MCC: variants seen among roughly 807,000 people sequenced by gnomAD.
MCC encodes colorectal mutant cancer protein.
Under a neutral mutation model 116.2 loss-of-function variants are expected in MCC, and 90 were observed. The ratio of observed to expected loss-of-function variants is 0.77; its 90% CI spans 0.65 to 0.92. The LOEUF (loss-of-function observed/expected upper bound fraction) is 0.92, where lower values mean the gene tolerates loss of function less well. MCC is among the 40% of genes least tolerant of loss of function. The pLI is 0.00. For synonymous variants in MCC, 578 were observed against 510.5 expected, an observed-to-expected ratio of 1.13 and a Z score of -1.78; for missense variants, 1,516 against 1,312.2, an observed-to-expected ratio of 1.16 and a Z score of -2.40.
chr5:113,175,199 C>G (rs575558231), intron 3 of MCC, among the ~76,000 whole-genome samples: 1 of 152,084 alleles, frequency 6.6e-6, no homozygotes, highest in South Asian at 2.1e-4. Context: ...ATAGACATGT[C>G]AATAAATTTT....
chr5:113,028,851 C>T, intron 18 of MCC, 83 bp downstream of exon 18: 1 of 1,483,490 alleles, frequency 6.7e-7, no homozygotes, highest in Non-Finnish European at 9.2e-7. Context: ...ATGTCCATCC[C>T]TGGTGCTGTG....
At chr5:113,226,645 C>T (rs1763753220) in intron 3 of MCC, among the ~76,000 whole-genome samples, 4 of 152,304 alleles carry the variant, frequency 2.6e-5, no homozygotes, top group Middle Eastern at 6.8e-3. Context: ...TTTCCATATG[C>T]TTTTCAGGAG....
chr5:113,424,031 A>C (rs1770416157), intron 1 of MCC, among the ~76,000 whole-genome samples: 1 of 152,060 alleles, frequency 6.6e-6, no homozygotes, highest in Non-Finnish European at 1.5e-5. Flanking sequence ...GGCCAAAAGA[A>C]AATATCTGTG....
Position 113,067,982 on chromosome 5 carries a change from G to A in MCC, c.2029+98C>T, listed in dbSNP as rs1204799196. The A allele has an allele frequency of 5.8e-6, 6 of 1,038,492 alleles. No homozygotes were observed. The South Asian group carries it at 7.9e-5, about 14-fold the overall frequency. The allele number at this position is 1,038,492 out of a possible 1,614,324, so 64.3% of individuals were successfully genotyped here. A position where few individuals can be genotyped will look rare whatever the true frequency, so the allele number is the denominator to read the frequency against. The stretch of plus-strand genomic sequence containing the variant: ...AACACACTTGACAACCAAATTTTGT[G>A]TTGTCGGGAGATGATTCAATGCCAG... On this transcript the variant is annotated intron_variant, in intron 13 of 18. Transcript: ENST00000408903.
rs755892943 is a variant in MCC at position 113,085,194 on chromosome 5, G to A, written c.1515C>T (p.Ser505=). The A allele has an allele frequency of 3.7e-6, 6 of 1,614,222 alleles. No homozygotes were observed. The Admixed American group carries it at 6.7e-5, about 18-fold the overall frequency. ...INPSTGELST[S]SSSNDIPIAK... is the part of the protein sequence containing the mutation. ...CGATGGGAATGTCATTGCTGCTGCT[G>A]CTTGTGCTCAGCTCCCCAGTGCTGG... The change falls in exon 9 of 19, where the codon AGC becomes AGT. Residue 505 remains serine, a synonymous_variant. Transcript: ENST00000408903.
intron 2 of MCC, among the ~76,000 whole-genome samples, chr5:113,341,340 T>C (rs985448680): frequency 1.3e-5 from 2 of 151,766 alleles, no homozygotes; most frequent in African/African-American, 2.4e-5. Context: ...GTGATCCTCC[T>C]GCCTCATTAA....
Position 113,488,375 on chromosome 5 carries a change from TGGA to T in MCC, c.37_39del (p.Ser15del), listed in dbSNP as rs763633687. On this transcript the variant is annotated inframe_deletion, in exon 1 of 19. Transcript: ENST00000408903. ...CTGCCGCCGCCGCCGCCGCCGCTGC[TGGA>T]GCTCCCCGCAGCCGCTGCCGCCGCG... The T allele has an allele frequency of 6.7e-6, 10 of 1,485,554 alleles. No individual in the cohort carries two copies. In the South Asian group the frequency reaches 8.0e-5, roughly 12 times the overall value. 92.0% of individuals were successfully genotyped at this position (1,485,554 alleles called of 1,614,324 possible).
chr5:113,036,093 T>C (rs1414843166), intron 17 of MCC, among the ~76,000 whole-genome samples: 13 of 135,726 alleles, frequency 9.6e-5, no homozygotes, highest in Non-Finnish European at 2.0e-4. Context: ...TGAAGTGCAG[T>C]GGTGCGATCT....
intron 15 of MCC, among the ~76,000 whole-genome samples, chr5:113,050,311 C>T (rs933101101): frequency 6.6e-6 from 1 of 152,146 alleles, no homozygotes; most frequent in African/African-American, 2.4e-5. Context: ...GTAACTCCAC[C>T]AGCCCATGGC....
intron 15 of MCC, 81 bp downstream of exon 15, chr5:113,053,641 CCTT>C: frequency 1.0e-6 from 1 of 964,228 alleles, no homozygotes; most frequent in Non-Finnish European, 1.6e-6. Context: ...GTTGATTCCT[CCTT>C]ATCTGCTGGA....
chr5:113,331,882 C>T (rs1048930144), intron 3 of MCC, among the ~76,000 whole-genome samples: 1 of 151,602 alleles, frequency 6.6e-6, no homozygotes, highest in African/African-American at 2.4e-5. Context: ...AGGTGATCCG[C>T]CCACCTCGGC....
intron 13 of MCC, among the ~76,000 whole-genome samples, chr5:113,067,498 G>A (rs531465949): frequency 1.9e-4 from 29 of 152,290 alleles, no homozygotes; most frequent in African/African-American, 6.5e-4. Context: ...TTAGCCAGGC[G>A]TGGTGGCATG....
intron 1 of MCC, among the ~76,000 whole-genome samples, chr5:113,449,763 A>G (rs1771333952): frequency 1.3e-5 from 2 of 152,316 alleles, no homozygotes; most frequent in East Asian, 3.9e-4. Flanking sequence ...AGGACAAAAA[A>G]TAGGCATGAA....
chr5:113,456,006 CT>C (rs1268779045), intron 1 of MCC, among the ~76,000 whole-genome samples: 1 of 152,170 alleles, frequency 6.6e-6, no homozygotes, highest in Non-Finnish European at 1.5e-5. Flanking sequence ...GAACTCTACT[CT>C]TTTAAAAAGG....
intron 3 of MCC, among the ~76,000 whole-genome samples, chr5:113,226,699 C>A (rs969436787): frequency 6.6e-6 from 1 of 152,118 alleles, no homozygotes; most frequent in Admixed American, 6.5e-5. Context: ...CAATAAGGAA[C>A]AACATCCCTT....
At chr5:113,463,725 A>G (rs1771817352) in intron 1 of MCC, among the ~76,000 whole-genome samples, 1 of 152,234 alleles carries the variant, frequency 6.6e-6, no homozygotes, top group South Asian at 2.1e-4. Flanking sequence ...TCTGAGATGC[A>G]GAAAAGAGGA....
chr5:113,130,286 T>G (rs940845154), intron 5 of MCC, among the ~76,000 whole-genome samples: 1 of 151,876 alleles, frequency 6.6e-6, no homozygotes, highest in Non-Finnish European at 1.5e-5. Flanking sequence ...AGTTAAACAA[T>G]GAGAACATAT....
At chr5:113,242,197 T>C (rs1390971925) in intron 3 of MCC, among the ~76,000 whole-genome samples, 1 of 152,226 alleles carries the variant, frequency 6.6e-6, no homozygotes, top group Non-Finnish European at 1.5e-5. Flanking sequence ...TCTTTCAGAA[T>C]ACCATTTGAG....
At chr5:113,108,917 T>C (rs566367632) in intron 6 of MCC, among the ~76,000 whole-genome samples, 34 of 152,300 alleles carry the variant, frequency 2.2e-4, no homozygotes, top group African/African-American at 7.9e-4. Flanking sequence ...CAGTGACCAG[T>C]TGGCACTTGA....
Sources: gnomAD v4.1 joint callset for allele counts (sites outside exome capture counted in the v4.1 genomes callset) on GRCh38, gnomAD v4.1.1 for gene constraint, MANE v1.5 for transcripts, NCBI Gene and HGNC (gene_info 2026-07-23, HGNC 2026-07-21) for gene names.